Variants in ABLIM3 observed in about 807,000 individuals in gnomAD.
ABLIM3 encodes actin-binding LIM protein 3.
In ABLIM3, 61 loss-of-function variants were observed where a neutral mutation model predicts 109.5. That is an observed-to-expected ratio of 0.56 (90% CI 0.45 to 0.69). The LOEUF (loss-of-function observed/expected upper bound fraction) is 0.69, where lower values mean the gene tolerates loss of function less well. Among genes scored for constraint, ABLIM3 ranks in the 30% least tolerant of loss-of-function variants. ABLIM3 has a pLI of 0.00. For synonymous variants in ABLIM3, 300 were observed against 324.8 expected, an observed-to-expected ratio of 0.92 and a Z score of 0.82; for missense variants, 796 against 889.5, an observed-to-expected ratio of 0.89 and a Z score of 1.34.
intron 18 of ABLIM3, 65 bp downstream of exon 18, chr5:149,247,994 C>T: frequency 6.4e-7 from 1 of 1,555,474 alleles, no homozygotes; most frequent in Non-Finnish European, 8.7e-7. Context: ...CTGGCAGTGT[C>T]AGCTGTTTGC....
intron 8 of ABLIM3, among the ~76,000 whole-genome samples, chr5:149,226,188 T>C (rs932428491): frequency 6.6e-6 from 1 of 150,722 alleles, no homozygotes; most frequent in Non-Finnish European, 1.5e-5. Context: ...CCTGCTATGG[T>C]GAAAAAAAAA....
chr5:149,232,940 T>A (rs1761998356), intron 9 of ABLIM3, among the ~76,000 whole-genome samples: 1 of 152,238 alleles, frequency 6.6e-6, no homozygotes, highest in Non-Finnish European at 1.5e-5. Flanking sequence ...TTGACTGGGA[T>A]AACTCAAAAT....
intron 11 of ABLIM3, 139 bp downstream of exon 11, chr5:149,237,742 C>A: frequency 1.8e-6 from 2 of 1,124,702 alleles, no homozygotes; most frequent in South Asian, 1.8e-5. Context: ...TTATGGCCAA[C>A]GTTTTTTAAA....
chr5:149,156,207 G>C (rs957117463), intron 2 of ABLIM3, among the ~76,000 whole-genome samples: 1 of 152,202 alleles, frequency 6.6e-6, no homozygotes, highest in Non-Finnish European at 1.5e-5. Flanking sequence ...AACTGAGAAG[G>C]CTAGATCGTA....
At chr5:149,160,780 G>A (rs1490396949) in intron 2 of ABLIM3, among the ~76,000 whole-genome samples, 1 of 152,214 alleles carries the variant, frequency 6.6e-6, no homozygotes, top group East Asian at 1.9e-4. Flanking sequence ...CTGTTGGGCT[G>A]TAAGCTGGGG....
Position 149,259,548 on chromosome 5 carries a change from A to G in ABLIM3, c.*1144A>G. 5 of 1,536,304 alleles carry G rather than the reference A, an allele frequency of 3.3e-6. No homozygotes were observed. The highest frequency in any genetic ancestry group is 4.4e-6 in the Non-Finnish European group (5 of 1,146,952). ...GCAAAGTTGGCCATGTTTCACAGGG[A>G]AACTTTTGGAAGAGTGGCTGCTTAT... On this transcript the variant is annotated 3_prime_UTR_variant, in exon 24 of 24. Coordinates refer to ENST00000309868, the MANE Select transcript of ABLIM3 (RefSeq NM_014945.5).
chr5:149,221,121 G>A (rs1433537811), intron 8 of ABLIM3, among the ~76,000 whole-genome samples: 1 of 152,202 alleles, frequency 6.6e-6, no homozygotes, highest in Admixed American at 6.5e-5. Context: ...TTGAAAATGA[G>A]TAGGAGGTGG....
chr5:149,239,860 C>G lies in ABLIM3; in HGVS notation c.1176C>G (p.Ser392=). ...YSRQGMSPTF[S]RSPHHYYRSG... is the part of the protein sequence containing the mutation. ...GGCAGGGCATGTCCCCCACCTTCTCCCGCTCACCTCACCACTACTACCGCT... is the reference window on the plus strand; with the variant it reads ...GGCAGGGCATGTCCCCCACCTTCTCGCGCTCACCTCACCACTACTACCGCT... The change falls in exon 13 of 24, where the codon TCC becomes TCG. Residue 392 remains serine (S), a synonymous_variant. Coordinates refer to ENST00000309868, the MANE Select transcript of ABLIM3 (RefSeq NM_014945.5). 3 of 1,610,350 alleles carry G rather than the reference C, an allele frequency of 1.9e-6. No individual in the cohort carries two copies. Among genetic ancestry groups the G allele is most frequent in the Non-Finnish European group, 2.5e-6 (3 of 1,178,102 alleles).
intron 21 of ABLIM3, 121 bp from the exon 22 acceptor site, chr5:149,252,080 C>A: frequency 1.8e-6 from 2 of 1,125,420 alleles, no homozygotes; most frequent in South Asian, 3.2e-5. Context: ...CTCTGATGGT[C>A]AAGAGAAGGA....
At chr5:149,256,299 C>T (rs1248866366) in intron 23 of ABLIM3, among the ~76,000 whole-genome samples, 2 of 152,180 alleles carry the variant, frequency 1.3e-5, no homozygotes, top group African/African-American at 4.8e-5. Context: ...ATACAGACCA[C>T]CACCCTCCAA....
At chr5:149,183,394 A>C (rs1306557751) in intron 2 of ABLIM3, 58 bp from the exon 3 acceptor site, 2 of 1,458,504 alleles carry the variant, frequency 1.4e-6, no homozygotes, top group Non-Finnish European at 1.8e-6. Flanking sequence ...AATGTCTTGC[A>C]GCAGACTTTG....
intron 2 of ABLIM3, among the ~76,000 whole-genome samples, chr5:149,161,483 C>A (rs1358575952): frequency 1.3e-5 from 2 of 152,190 alleles, no homozygotes; most frequent in African/African-American, 4.8e-5. Context: ...GGATTTGGAG[C>A]TTCTCTGTTT....
At chr5:149,222,590 C>A (rs1760762432) in intron 8 of ABLIM3, among the ~76,000 whole-genome samples, 1 of 150,712 alleles carries the variant, frequency 6.6e-6, no homozygotes, top group African/African-American at 2.4e-5. Flanking sequence ...AACGGAGTCT[C>A]AAAAGCTTGT....
At chr5:149,184,107 C>G (rs1756732878) in intron 3 of ABLIM3, among the ~76,000 whole-genome samples, 1 of 152,024 alleles carries the variant, frequency 6.6e-6, no homozygotes, top group South Asian at 2.1e-4. Context: ...TAGGTCATCT[C>G]TCATTGTTAC....
At chr5:149,256,674 C>T (rs1754451990) in intron 23 of ABLIM3, among the ~76,000 whole-genome samples, 1 of 152,202 alleles carries the variant, frequency 6.6e-6, no homozygotes, top group South Asian at 2.1e-4. Context: ...GAGAAACATT[C>T]TGAAGTGCAT....
chr5:149,182,701 C>T (rs751413308), intron 2 of ABLIM3, among the ~76,000 whole-genome samples: 13 of 152,188 alleles, frequency 8.5e-5, no homozygotes, highest in Non-Finnish European at 1.8e-4. Flanking sequence ...ATAACAGACC[C>T]AATAAGCTAG....
intron 14 of ABLIM3, among the ~76,000 whole-genome samples, chr5:149,242,281 C>A (rs1302168136): frequency 6.6e-6 from 1 of 152,196 alleles, no homozygotes; most frequent in Non-Finnish European, 1.5e-5. Flanking sequence ...TTCCTCTTCC[C>A]GCACCTTACT....
chr5:149,170,530 C>T (rs1175871791), intron 2 of ABLIM3, among the ~76,000 whole-genome samples: 2 of 152,154 alleles, frequency 1.3e-5, no homozygotes, highest in Admixed American at 6.5e-5. Context: ...GGAGTGGTTT[C>T]CCTACAGGAA....
chr5:149,195,202 C>T (rs1182166457), intron 3 of ABLIM3, among the ~76,000 whole-genome samples: 3 of 152,196 alleles, frequency 2.0e-5, no homozygotes, highest in Non-Finnish European at 4.4e-5. Context: ...CAAAATCTCC[C>T]AGCACTTGAG....
Sources: gnomAD v4.1 joint callset for allele counts (sites outside exome capture counted in the v4.1 genomes callset) on GRCh38, gnomAD v4.1.1 for gene constraint, MANE v1.5 for transcripts, NCBI Gene and HGNC (gene_info 2026-07-23, HGNC 2026-07-21) for gene names.